NTM: variants seen among roughly 807,000 people sequenced by gnomAD.
NTM encodes IgLON family member 2.
Under a neutral mutation model 42.1 loss-of-function variants are expected in NTM, and 13 were observed. The ratio of observed to expected loss-of-function variants is 0.31; its 90% CI spans 0.20 to 0.49. The LOEUF (loss-of-function observed/expected upper bound fraction) is 0.49. Among genes scored for constraint, NTM ranks in the 20% least tolerant of loss-of-function variants. The probability of loss-of-function intolerance (pLI) is 0.99; values close to 1 mark genes in which losing one functional copy is unlikely to be tolerated. For synonymous variants in NTM, 187 were observed against 179.2 expected (o/e 1.04, Z -0.35); for missense variants, 373 against 452.8 (o/e 0.82, Z 1.60).
chr11:131,692,315 G>C (rs1327450006), intron 1 of NTM, among the ~76,000 whole-genome samples: 2 of 152,110 alleles, frequency 1.3e-5, no homozygotes, highest in African/African-American at 4.8e-5. Context: ...TATCTCCCAT[G>C]CAGATCTCTG....
intron 3 of NTM, among the ~76,000 whole-genome samples, chr11:132,200,625 C>T (rs1195024251): frequency 4.6e-5 from 7 of 152,302 alleles, no homozygotes; most frequent in East Asian, 1.9e-4. Context: ...GTGCCGATGA[C>T]GCCATGAAGG....
At chr11:131,590,252 G>A (rs867887074) in intron 1 of NTM, among the ~76,000 whole-genome samples, 43 of 152,306 alleles carry the variant, frequency 2.8e-4, no homozygotes, top group Non-Finnish European at 5.7e-4. Flanking sequence ...GACCCTGGGG[G>A]CTTGTGTCAT....
chr11:132,304,412 C>CTT lies in NTM; in HGVS notation c.527-3265_527-3264dup, dbSNP rs11443879. On this transcript the variant is annotated intron_variant, in intron 4 of 8. Coordinates refer to ENST00000683400, the MANE Select transcript of NTM (RefSeq NM_001352005.2). ...TTCAGCACTTTAAAGACTATGCTTG[C>CTT]TTTTTTTTTTTTTACCCAATATGCT... Among the ~76,000 whole-genome samples the CTT allele has an allele frequency of 3.7e-3, 533 of 146,022 alleles. 2 individuals are homozygous for CTT. Among genetic ancestry groups the CTT allele is most frequent in the Non-Finnish European group, 5.8e-3 (384 of 66,360 alleles).
chr11:131,640,997 G>A (rs781621710), intron 1 of NTM, among the ~76,000 whole-genome samples: 6 of 152,172 alleles, frequency 3.9e-5, no homozygotes, highest in Non-Finnish European at 7.3e-5. Flanking sequence ...TCATAGGGAT[G>A]ACATTGCTCA....
In NTM at chr11:132,311,770, C is replaced by T. The variant is rs112142384; in HGVS notation, c.782+1538C>T. Among the ~76,000 whole-genome samples, 464 of 152,122 alleles carry T rather than the reference C, an allele frequency of 3.1e-3. 1 individual carries two copies. The highest frequency in any genetic ancestry group is 0.011 in the African/African-American group (447 of 41,448). On this transcript the variant is annotated intron_variant, in intron 6 of 8. Transcript: ENST00000683400. Reference sequence around the variant, plus strand: ...TTATTGGAGAAAAATAGAAAAAATACATATAAGGGAAAGCAAAATCTTAGA... The same window carrying T: ...TTATTGGAGAAAAATAGAAAAAATATATATAAGGGAAAGCAAAATCTTAGA...
intron 3 of NTM, among the ~76,000 whole-genome samples, chr11:132,201,990 A>T (rs2081231701): frequency 6.6e-6 from 1 of 152,230 alleles, no homozygotes; most frequent in Non-Finnish European, 1.5e-5. Context: ...ATGAGGAATA[A>T]TATTAAAAAG....
Position 131,591,908 on chromosome 11 carries a change from C to A in NTM, c.82+221020C>A, listed in dbSNP as rs144977550. ...TTCTGATTTTATTAGAGAAACAGTT[C>A]TTGTGTTATGCTCTGGGTAAGAACT... is the stretch of plus-strand genomic sequence containing the variant. On this transcript the variant is annotated intron_variant, in intron 1 of 8. Coordinates refer to ENST00000683400, the MANE Select transcript of NTM (RefSeq NM_001352005.2). 3.1e-3 allele frequency among the ~76,000 whole-genome samples: 470 copies of A among 152,292 alleles called. 3 individuals carry two copies. The highest frequency in any genetic ancestry group is 0.011 in the African/African-American group (453 of 41,576).
intron 2 of NTM, among the ~76,000 whole-genome samples, chr11:132,004,786 A>C (rs1314284160): frequency 6.6e-6 from 1 of 151,972 alleles, no homozygotes; most frequent in Non-Finnish European, 1.5e-5. Flanking sequence ...TTCAGCTTTC[A>C]AGGAGCTGTG....
chr11:132,206,711 G>T (rs1195886506), intron 3 of NTM, among the ~76,000 whole-genome samples: 1 of 152,070 alleles, frequency 6.6e-6, no homozygotes, highest in Non-Finnish European at 1.5e-5. Flanking sequence ...TCCCATCTGT[G>T]CCCATGCAAT....
At chr11:131,580,767 C>T (rs2058336333) in intron 1 of NTM, among the ~76,000 whole-genome samples, 1 of 152,196 alleles carries the variant, frequency 6.6e-6, no homozygotes, top group South Asian at 2.1e-4. Context: ...TATTCCCTTG[C>T]ATCATGCTTG....
intron 2 of NTM, among the ~76,000 whole-genome samples, chr11:132,086,027 A>G (rs941230746): frequency 6.6e-6 from 1 of 152,146 alleles, no homozygotes; most frequent in African/African-American, 2.4e-5. Context: ...TACATGCATT[A>G]AGAGTGGCAA....
intron 1 of NTM, among the ~76,000 whole-genome samples, chr11:131,411,327 C>G (rs1280624645): frequency 2.6e-5 from 4 of 152,158 alleles, no homozygotes; most frequent in African/African-American, 9.7e-5. Context: ...ACCCTTCTTT[C>G]TAGCACAATG....
chr11:132,118,028 C>T (rs1355585371), intron 2 of NTM, among the ~76,000 whole-genome samples: 1 of 152,214 alleles, frequency 6.6e-6, no homozygotes, highest in East Asian at 1.9e-4. Context: ...TCACTCCCAT[C>T]TGCCTGCCTC....
intron 4 of NTM, among the ~76,000 whole-genome samples, chr11:132,275,456 A>G (rs2093667679): frequency 6.6e-6 from 1 of 151,920 alleles, no homozygotes; most frequent in African/African-American, 2.4e-5. Context: ...TAAGGACTTA[A>G]TGAGATAGTA....
chr11:131,872,721 A>T (rs751749402), intron 1 of NTM, among the ~76,000 whole-genome samples: 11 of 152,224 alleles, frequency 7.2e-5, no homozygotes, highest in Non-Finnish European at 1.2e-4. Flanking sequence ...TAGTGGCTAG[A>T]TTGAAAGCTG....
chr11:132,202,150 C>T (rs1358934753), intron 3 of NTM, among the ~76,000 whole-genome samples: 4 of 152,072 alleles, frequency 2.6e-5, no homozygotes, highest in African/African-American at 4.8e-5. Flanking sequence ...TCAGGGACAC[C>T]TTATTAGAGA....
intron 1 of NTM, among the ~76,000 whole-genome samples, chr11:131,698,054 G>A (rs561369208): frequency 3.9e-4 from 59 of 152,312 alleles, no homozygotes; most frequent in African/African-American, 1.4e-3. Flanking sequence ...ATTCCCTGCA[G>A]AGACACAGCT....
At chr11:131,536,911 C>T (rs369283691) in intron 1 of NTM, 8 of 152,198 alleles carry the variant, frequency 5.3e-5, no homozygotes, top group East Asian at 3.9e-4. Flanking sequence ...AAATAATGCC[C>T]GGGGGGACCC....
In NTM at chr11:131,529,036, T is replaced by G. The variant is rs570610475; in HGVS notation, c.82+158148T>G. 5.9e-5 allele frequency among the ~76,000 whole-genome samples: 9 copies of G among 152,348 alleles called. No individual in the cohort carries two copies. In the East Asian group the frequency reaches 1.7e-3, roughly 29 times the overall value. On this transcript the variant is annotated intron_variant, in intron 1 of 8. Transcript: ENST00000683400. ...ATATTGCAATGGGATTGAGTATCGC[T>G]TCAGCACACTTCAAGCCAGAAGAAA...
Sources: allele counts gnomAD v4.1 joint callset (sites outside exome capture counted in the v4.1 genomes callset), GRCh38; gene constraint gnomAD v4.1.1; transcripts MANE v1.5; gene names NCBI Gene and HGNC (gene_info 2026-07-23, HGNC 2026-07-21).